The following ATF6 variants were observed in gnomAD, a reference collection of about 807,000 sequenced individuals.
ATF6 encodes the protein activating transcription factor 6.
A neutral mutation model predicts 83.6 loss-of-function variants in ATF6; 53 were observed. That is an observed-to-expected ratio of 0.63 (90% CI 0.51 to 0.80). The LOEUF (loss-of-function observed/expected upper bound fraction) is 0.80. Ranked by LOEUF, ATF6 falls within the 30% of genes least tolerant of loss-of-function variation. ATF6 has a pLI of 0.00. For synonymous variants in ATF6, 288 were observed against 285.8 expected, an observed-to-expected ratio of 1.01 and a Z score of -0.08; for missense variants, 744 against 797.9, an observed-to-expected ratio of 0.93 and a Z score of 0.81.
chr1:161,784,549 T>C (rs1017934373), intron 4 of ATF6, among the ~76,000 whole-genome samples: 1 of 152,176 alleles, frequency 6.6e-6, no homozygotes, highest in African/African-American at 2.4e-5. Flanking sequence ...CACGTTTTTA[T>C]AGAAGTCTGG....
chr1:161,878,389 A>G (rs1258629285), intron 14 of ATF6, among the ~76,000 whole-genome samples: 1 of 152,164 alleles, frequency 6.6e-6, no homozygotes, highest in East Asian at 1.9e-4. Flanking sequence ...TGTTGTGATT[A>G]TAGGCATGAG....
intron 1 of ATF6, among the ~76,000 whole-genome samples, chr1:161,773,982 G>A (rs6674081): frequency 3.3e-5 from 5 of 151,842 alleles, no homozygotes; most frequent in Non-Finnish European, 5.9e-5. Flanking sequence ...TGTTAACATC[G>A]TGCCACATTC....
At chr1:161,770,445 C>T (rs577598007) in intron 1 of ATF6, among the ~76,000 whole-genome samples, 12 of 152,228 alleles carry the variant, frequency 7.9e-5, no homozygotes, top group South Asian at 4.1e-4. Flanking sequence ...TCAAGATGGC[C>T]GCACCTTCAG....
chr1:161,888,627 A>T (rs1042998062), intron 14 of ATF6, among the ~76,000 whole-genome samples: 6 of 152,172 alleles, frequency 3.9e-5, no homozygotes, highest in Non-Finnish European at 7.4e-5. Flanking sequence ...AAGTACTGTT[A>T]ATTTTACTTT....
At chr1:161,939,079 C>G (rs1423128393) in intron 15 of ATF6, among the ~76,000 whole-genome samples, 1 of 152,172 alleles carries the variant, frequency 6.6e-6, no homozygotes, top group Non-Finnish European at 1.5e-5. Context: ...ATCAAAGTTT[C>G]CATCACCGTC....
chr1:161,820,981 C>A, intron 8 of ATF6, 89 bp from the exon 9 acceptor site: 1 of 789,374 alleles, frequency 1.3e-6, no homozygotes, highest in South Asian at 2.2e-5. Flanking sequence ...ATTTACGTAA[C>A]CGGTAAAGAG....
chr1:161,769,984 A>G (rs1684348534), intron 1 of ATF6, among the ~76,000 whole-genome samples: 1 of 152,046 alleles, frequency 6.6e-6, no homozygotes, highest in Non-Finnish European at 1.5e-5. Context: ...ATGGGTTTTG[A>G]CAAAGGTATA....
chr1:161,826,575 C>G (rs1163700963), intron 9 of ATF6, among the ~76,000 whole-genome samples: 2 of 151,930 alleles, frequency 1.3e-5, no homozygotes, highest in Non-Finnish European at 2.9e-5. Context: ...TAGGAACAGC[C>G]AGCGAAGAAG....
intron 2 of ATF6, among the ~76,000 whole-genome samples, chr1:161,779,546 T>A (rs1684588287): frequency 6.6e-6 from 1 of 152,178 alleles, no homozygotes; most frequent in Non-Finnish European, 1.5e-5. Context: ...ACTGGGCCTG[T>A]TAAATTTCTG....
At chr1:161,812,804 G>GTT (rs1385119780) in intron 7 of ATF6, among the ~76,000 whole-genome samples, 10 of 152,016 alleles carry the variant, frequency 6.6e-5, no homozygotes, top group Admixed American at 2.0e-4. Flanking sequence ...GTGTGTGTGT[G>GTT]TGTGTGTGTG....
At chr1:161,835,229 GT>G (rs962879020) in intron 9 of ATF6, among the ~76,000 whole-genome samples, 1 of 152,086 alleles carries the variant, frequency 6.6e-6, no homozygotes, top group Non-Finnish European at 1.5e-5. Context: ...ATTTAAAAAA[GT>G]TTTTTTGAAG....
intron 15 of ATF6, among the ~76,000 whole-genome samples, chr1:161,955,401 C>T (rs1009299915): frequency 2.0e-5 from 3 of 152,200 alleles, no homozygotes; most frequent in African/African-American, 4.8e-5. Flanking sequence ...GCAGGAGCTT[C>T]ATCTGCCATG....
intron 7 of ATF6, among the ~76,000 whole-genome samples, chr1:161,804,640 A>G (rs1021641450): frequency 1.3e-5 from 2 of 151,456 alleles, no homozygotes; most frequent in Non-Finnish European, 2.9e-5. Flanking sequence ...TTTTGATACA[A>G]TCATTGTATT....
chr1:161,890,327 C>A (rs1024117947), intron 14 of ATF6, among the ~76,000 whole-genome samples: 3 of 152,214 alleles, frequency 2.0e-5, no homozygotes, highest in African/African-American at 7.2e-5. Flanking sequence ...TGAACCACTT[C>A]TGATTTTCTA....
At chr1:161,948,407 G>A (rs750891478) in intron 15 of ATF6, among the ~76,000 whole-genome samples, 3 of 152,088 alleles carry the variant, frequency 2.0e-5, no homozygotes, top group African/African-American at 7.2e-5. Context: ...ATACCAAAGT[G>A]AGCTTCAGTC....
At chr1:161,930,400 T>C (rs76762691) in intron 15 of ATF6, among the ~76,000 whole-genome samples, 6,455 of 152,350 alleles carry the variant, frequency 0.042, 191 homozygotes, top group Non-Finnish European at 0.064. Flanking sequence ...GTTTCAGTGA[T>C]CTATTTTTTA....
chr1:161,807,226 A>G (rs1211510539), intron 7 of ATF6, among the ~76,000 whole-genome samples: 1 of 152,214 alleles, frequency 6.6e-6, no homozygotes, highest in African/African-American at 2.4e-5. Context: ...TGTCTATAAT[A>G]ATCTATTTGC....
chr1:161,799,877 C>T (rs999003992), intron 6 of ATF6, among the ~76,000 whole-genome samples: 4 of 152,098 alleles, frequency 2.6e-5, no homozygotes, highest in Admixed American at 2.6e-4. Context: ...TTAGTTTTCC[C>T]CGATCCTTTG....
intron 15 of ATF6, among the ~76,000 whole-genome samples, chr1:161,946,315 C>T (rs1688746686): frequency 6.6e-6 from 1 of 152,148 alleles, no homozygotes. Context: ...CTTTATCAAA[C>T]AGAAGTGAAT....
Sources: gnomAD v4.1 joint callset for allele counts (sites outside exome capture counted in the v4.1 genomes callset) on GRCh38, gnomAD v4.1.1 for gene constraint, MANE v1.5 for transcripts, NCBI Gene and HGNC (gene_info 2026-07-23, HGNC 2026-07-21) for gene names.